ADAM19: variants seen among roughly 807,000 people sequenced by gnomAD.
ADAM19 encodes the protein disintegrin and metalloproteinase domain-containing protein 19.
A neutral mutation model predicts 114.7 loss-of-function variants in ADAM19; 65 were observed. The ratio of observed to expected loss-of-function variants is 0.57; its 90% CI spans 0.46 to 0.70. ADAM19 has a LOEUF of 0.70. ADAM19 is among the 30% of genes least tolerant of loss of function. ADAM19 has a pLI of 0.00. For synonymous variants in ADAM19, 466 were observed against 460.5 expected, an observed-to-expected ratio of 1.01 and a Z score of -0.15; for missense variants, 1,063 against 1,204.7, an observed-to-expected ratio of 0.88 and a Z score of 1.74.
chr5:157,503,161 T>G (rs1581307014), intron 11 of ADAM19, among the ~76,000 whole-genome samples, 181 bp from the exon 12 acceptor site: 1 of 152,154 alleles, frequency 6.6e-6, no homozygotes, highest in East Asian at 1.9e-4. Context: ...AATTTAGAAT[T>G]TTTTCATCCC....
rs954303180 is a variant in ADAM19, at chr5:157,536,104, C to T, written c.330+1809G>A. ...GCCACACTACCAACTCCTTCCCCAT[C>T]CAAGAAAGTCTTGGTTAAGAAGGCA... On this transcript the variant is annotated intron_variant, in intron 4 of 22. Transcript: ENST00000257527. 2.6e-5 allele frequency among the ~76,000 whole-genome samples: 4 copies of T among 152,236 alleles called. No individual in the cohort carries two copies. The South Asian group carries it at 6.2e-4, about 24-fold the overall frequency.
At position 157,477,799 on chromosome 5, in the gene ADAM19, G is replaced by A. The variant is rs775703890; in HGVS notation, c.*3150C>T. 5.4e-5 allele frequency: 63 copies of A among 1,168,512 alleles called. No homozygotes were observed. The highest frequency in any genetic ancestry group is 1.7e-4 in the African/African-American group (11 of 63,608). 72.4% of individuals were successfully genotyped at this position (1,168,512 alleles called of 1,614,324 possible). A position where few individuals can be genotyped will look rare whatever the true frequency, so the allele number is the denominator to read the frequency against. On this transcript the variant is annotated 3_prime_UTR_variant, in exon 23 of 23. Coordinates refer to ENST00000257527, the MANE Select transcript of ADAM19 (RefSeq NM_033274.5). ...GACTTCCAATAAAGATTGGAAAGGC[G>A]TATTGCAGGAGGTGGGGAGGGGCTA...
intron 7 of ADAM19, among the ~76,000 whole-genome samples, chr5:157,516,272 A>G (rs982372302): frequency 6.6e-6 from 1 of 152,110 alleles, no homozygotes; most frequent in African/African-American, 2.4e-5. Flanking sequence ...CTGAGAAATG[A>G]GCACGTTCCC....
At chr5:157,499,505 C>G in intron 13 of ADAM19, 68 bp downstream of exon 13, 1 of 1,378,352 alleles carries the variant, frequency 7.3e-7, no homozygotes, top group Non-Finnish European at 1.0e-6. Flanking sequence ...GCCATCCACC[C>G]CAGCAGAGCA....
chr5:157,477,739 T>A lies in ADAM19; in HGVS notation c.*3210A>T, dbSNP rs562402066. ...AATTGCAAGTCTTCCATACCCTCTG[T>A]CAAATAAGAATAAATTAGGAAGTAG... On this transcript the variant is annotated 3_prime_UTR_variant, in exon 23 of 23. Transcript: ENST00000257527. 1 of 1,289,176 alleles carries A rather than the reference T, an allele frequency of 7.8e-7. No homozygotes were observed. Among genetic ancestry groups the A allele is most frequent in the African/African-American group, 1.5e-5 (1 of 65,874 alleles). 79.9% of individuals were successfully genotyped at this position (1,289,176 alleles called of 1,614,324 possible). A position where few individuals can be genotyped will look rare whatever the true frequency, so the allele number is the denominator to read the frequency against.
At chr5:157,571,950 TG>T (rs1757839646) in intron 1 of ADAM19, among the ~76,000 whole-genome samples, 1 of 152,236 alleles carries the variant, frequency 6.6e-6, no homozygotes, top group Admixed American at 6.5e-5. Context: ...AGAGCATCAC[TG>T]CATCAAGTTA....
intron 3 of ADAM19, among the ~76,000 whole-genome samples, chr5:157,557,472 C>G (rs1757397778): frequency 1.3e-5 from 2 of 152,214 alleles, no homozygotes; most frequent in South Asian, 2.1e-4. Flanking sequence ...CCCTTCAGAT[C>G]ACCAGGCTTA....
chr5:157,512,533 T>C (rs1002167648), intron 8 of ADAM19, among the ~76,000 whole-genome samples: 5 of 152,330 alleles, frequency 3.3e-5, no homozygotes, highest in Admixed American at 3.3e-4. Context: ...AACTATATAC[T>C]ACTAGCCTAC....
chr5:157,530,907 C>T, intron 4 of ADAM19, 24 bp from the exon 5 acceptor site: 1 of 1,598,966 alleles, frequency 6.3e-7, no homozygotes, highest in Non-Finnish European at 8.6e-7. Context: ...AGGAGGTGGT[C>T]AGGCTAAAGA....
intron 3 of ADAM19, among the ~76,000 whole-genome samples, chr5:157,556,213 T>C (rs527295305): frequency 5.9e-4 from 51 of 85,818 alleles, no homozygotes; most frequent in African/African-American, 2.1e-3. Context: ...CTTTTTCTTT[T>C]TTTTTTTTTT....
chr5:157,507,348 T>C (rs900524572), intron 9 of ADAM19, among the ~76,000 whole-genome samples: 2 of 152,088 alleles, frequency 1.3e-5, no homozygotes, highest in East Asian at 1.9e-4. Flanking sequence ...CCCTCATGAC[T>C]CCAGAGGAAC....
intron 21 of ADAM19, among the ~76,000 whole-genome samples, chr5:157,482,750 T>C (rs989166790): frequency 1.3e-5 from 2 of 152,186 alleles, no homozygotes; most frequent in Non-Finnish European, 2.9e-5. Context: ...TAAAGACACA[T>C]GTACACGTAT....
intron 3 of ADAM19, among the ~76,000 whole-genome samples, chr5:157,553,593 T>C (rs1561554560): frequency 6.6e-6 from 1 of 152,180 alleles, no homozygotes; most frequent in African/African-American, 2.4e-5. Flanking sequence ...TTAAAAGCGT[T>C]TTAATTGTGT....
chr5:157,532,752 C>T (rs992283729), intron 4 of ADAM19, among the ~76,000 whole-genome samples: 10 of 152,120 alleles, frequency 6.6e-5, no homozygotes, highest in Non-Finnish European at 1.3e-4. Flanking sequence ...TCAGCTACCC[C>T]GTGTGTCTGT....
At chr5:157,497,306 T>C (rs532436120) in intron 13 of ADAM19, among the ~76,000 whole-genome samples, 1 of 152,342 alleles carries the variant, frequency 6.6e-6, no homozygotes, top group Admixed American at 6.5e-5. Context: ...CTAACTCACT[T>C]TCTCTTCATA....
intron 3 of ADAM19, among the ~76,000 whole-genome samples, chr5:157,544,585 G>A (rs985641765): frequency 6.6e-6 from 1 of 152,196 alleles, no homozygotes; most frequent in African/African-American, 2.4e-5. Flanking sequence ...AAATAGAGCT[G>A]ACTTCTTGAG....
At chr5:157,512,007 T>C (rs967917015) in intron 8 of ADAM19, among the ~76,000 whole-genome samples, 5 of 152,200 alleles carry the variant, frequency 3.3e-5, no homozygotes, top group African/African-American at 9.7e-5. Context: ...CTCCAAACAA[T>C]AGATGTCACA....
At chr5:157,514,570 A>G (rs751353321) in intron 7 of ADAM19, among the ~76,000 whole-genome samples, 20 of 152,134 alleles carry the variant, frequency 1.3e-4, no homozygotes, top group Non-Finnish European at 2.6e-4. Flanking sequence ...CAAGTGATCC[A>G]TCTGCCTTGG....
chr5:157,495,989 C>T (rs1755353522), intron 14 of ADAM19, among the ~76,000 whole-genome samples: 1 of 120,026 alleles, frequency 8.3e-6, no homozygotes. Flanking sequence ...GTCGCTTGGG[C>T]TGGAGTCCTA....
Sources: allele counts gnomAD v4.1 joint callset (sites outside exome capture counted in the v4.1 genomes callset), GRCh38; gene constraint gnomAD v4.1.1; transcripts MANE v1.5; gene names NCBI Gene and HGNC (gene_info 2026-07-23, HGNC 2026-07-21).